VMP1: variants seen among roughly 807,000 people sequenced by gnomAD.
The protein encoded by VMP1 is ectopic P-granules autophagy protein 3 homolog.
VMP1 carries 11 observed loss-of-function variants against 56.0 expected under a neutral mutation model. The observed-to-expected ratio is 0.20, with a 90% CI of 0.12 to 0.32. The LOEUF (loss-of-function observed/expected upper bound fraction) is 0.32, where lower values mean the gene tolerates loss of function less well. Among genes scored for constraint, VMP1 ranks in the 10% least tolerant of loss-of-function variants. VMP1 has a pLI of 1.00. For missense variants in VMP1, 296 were observed against 490.3 expected, an observed-to-expected ratio of 0.60 and a Z score of 3.74; for synonymous variants, 149 against 165.0, an observed-to-expected ratio of 0.90 and a Z score of 0.74.
chr17:59,776,905 T>C (rs116450673), intron 7 of VMP1, among the ~76,000 whole-genome samples: 2,189 of 152,336 alleles, frequency 0.014, 44 homozygotes, highest in African/African-American at 0.049. Context: ...TAATGTACTA[T>C]GATTATTTCT....
intron 7 of VMP1, among the ~76,000 whole-genome samples, chr17:59,791,994 G>A (rs889230802): frequency 5.9e-5 from 9 of 152,054 alleles, no homozygotes; most frequent in Non-Finnish European, 8.8e-5. Flanking sequence ...TCTATTGGCC[G>A]GGTGCCATGG....
intron 1 of VMP1, among the ~76,000 whole-genome samples, chr17:59,726,804 T>G (rs530528925): frequency 2.6e-4 from 39 of 152,356 alleles, no homozygotes; most frequent in African/African-American, 9.1e-4. Flanking sequence ...TTGTTATTGT[T>G]TTGTAATTGC....
At chr17:59,794,067 C>G (rs1304283376) in intron 7 of VMP1, among the ~76,000 whole-genome samples, 1 of 151,296 alleles carries the variant, frequency 6.6e-6, no homozygotes, top group Non-Finnish European at 1.5e-5. Context: ...ACTACAAGCA[C>G]CTGCCACCAC....
intron 9 of VMP1, among the ~76,000 whole-genome samples, chr17:59,814,726 G>A (rs2038167477): frequency 6.6e-6 from 1 of 152,092 alleles, no homozygotes; most frequent in African/African-American, 2.4e-5. Flanking sequence ...CTCTTTCCCT[G>A]TATCTATGTG....
At chr17:59,770,092 A>T (rs2036371051) in intron 6 of VMP1, among the ~76,000 whole-genome samples, 1 of 152,234 alleles carries the variant, frequency 6.6e-6, no homozygotes, top group Non-Finnish European at 1.5e-5. Context: ...AAAATATAAC[A>T]GTAAATATAG....
intron 5 of VMP1, among the ~76,000 whole-genome samples, chr17:59,741,859 TTCTGCCTGTATATTTGC>T (rs1271471793): frequency 6.6e-6 from 1 of 152,194 alleles, no homozygotes; most frequent in Non-Finnish European, 1.5e-5. Context: ...TTTTGACTTG[TTCTGCCTGTATATTTGC>T]TACTTTGTAT....
intron 7 of VMP1, among the ~76,000 whole-genome samples, chr17:59,796,739 T>A (rs1007304374): frequency 2.0e-5 from 3 of 152,206 alleles, no homozygotes; most frequent in African/African-American, 7.2e-5. Flanking sequence ...TCATGCTAAT[T>A]CTGACAAACA....
intron 5 of VMP1, among the ~76,000 whole-genome samples, chr17:59,758,426 C>G (rs958666307): frequency 6.6e-6 from 1 of 152,176 alleles, no homozygotes; most frequent in South Asian, 2.1e-4. Context: ...TGGTGGCTCA[C>G]CTCTAATCCC....
chr17:59,773,916 C>T (rs201779007), intron 7 of VMP1, 31 bp downstream of exon 7: 113 of 1,544,174 alleles, frequency 7.3e-5, no homozygotes, highest in Non-Finnish European at 1.0e-5. Context: ...AAATAGAACA[C>T]TTTACTTCTT....
At chr17:59,764,089 G>T (rs1013697059) in intron 5 of VMP1, among the ~76,000 whole-genome samples, 2 of 152,078 alleles carry the variant, frequency 1.3e-5, no homozygotes, top group African/African-American at 4.8e-5. Flanking sequence ...TTTGCTTTAT[G>T]ATCTCACTGG....
In VMP1 at chr17:59,781,361, G is replaced by A. The variant is rs1013673399; in HGVS notation, c.714+7476G>A. 1.4e-4 allele frequency among the ~76,000 whole-genome samples: 21 copies of A among 152,148 alleles called. 1 individual carries two copies. The highest frequency in any genetic ancestry group is 1.3e-3 in the Admixed American group (20 of 15,276). On this transcript the variant is annotated intron_variant, in intron 7 of 11. Coordinates refer to ENST00000262291, the MANE Select transcript of VMP1 (RefSeq NM_030938.5). ...GCTCACACACCTTCTCCCCAGTGTA[G>A]GGTAATAATCACTGTATTCCAGACT... is the stretch of plus-strand genomic sequence containing the variant.
intron 6 of VMP1, among the ~76,000 whole-genome samples, chr17:59,766,604 A>G (rs2036239293): frequency 1.3e-5 from 2 of 152,310 alleles, no homozygotes; most frequent in South Asian, 4.1e-4. Flanking sequence ...AATATAAACC[A>G]AGCCTTATTA....
At chr17:59,821,539 CTT>C (rs530907168) in intron 10 of VMP1, among the ~76,000 whole-genome samples, 5 of 104,722 alleles carry the variant, frequency 4.8e-5, no homozygotes, top group African/African-American at 1.9e-4. Flanking sequence ...AGCTACTTTT[CTT>C]TTTTTTTTTT....
chr17:59,783,029 A>G (rs1418211101), intron 7 of VMP1, among the ~76,000 whole-genome samples: 1 of 152,036 alleles, frequency 6.6e-6, no homozygotes, highest in Non-Finnish European at 1.5e-5. Context: ...CCCCGTCTCC[A>G]CTAAAAAATA....
At chr17:59,749,232 C>T (rs915288166) in intron 5 of VMP1, among the ~76,000 whole-genome samples, 4 of 151,644 alleles carry the variant, frequency 2.6e-5, no homozygotes, top group Non-Finnish European at 4.4e-5. Flanking sequence ...GCTGGGATTA[C>T]GGGCGTGAGC....
chr17:59,781,549 C>G (rs1256057148), intron 7 of VMP1, among the ~76,000 whole-genome samples: 1 of 151,866 alleles, frequency 6.6e-6, no homozygotes, highest in Non-Finnish European at 1.5e-5. Context: ...TTGGTGAGTG[C>G]CCTTTAGTCT....
intron 7 of VMP1, among the ~76,000 whole-genome samples, chr17:59,801,118 G>C (rs938884782): frequency 8.2e-6 from 1 of 122,242 alleles, no homozygotes; most frequent in African/African-American, 5.2e-5. Context: ...ATATATGTGT[G>C]TGTGTGTGTG....
intron 5 of VMP1, among the ~76,000 whole-genome samples, chr17:59,760,519 T>G (rs1253731676): frequency 6.6e-6 from 1 of 152,224 alleles, no homozygotes. Flanking sequence ...TTTTATCTAC[T>G]CTATTGTTTT....
At position 59,716,623 on chromosome 17, in the gene VMP1, A is replaced by T. The variant is rs571770208; in HGVS notation, c.-27+8875A>T. ...CCGACTTGCTATTTGGGGCCCTTGG[A>T]GCACTCAGTTTCTCATTTGCTAAAA... is the stretch of plus-strand genomic sequence containing the variant. On this transcript the variant is annotated intron_variant, in intron 1 of 11. Transcript: ENST00000262291. 1.1e-4 allele frequency among the ~76,000 whole-genome samples: 16 copies of T among 152,298 alleles called. No homozygotes were observed. In the East Asian group the frequency reaches 3.1e-3, roughly 29 times the overall value.
Sources: allele counts gnomAD v4.1 joint callset (sites outside exome capture counted in the v4.1 genomes callset), GRCh38; gene constraint gnomAD v4.1.1; transcripts MANE v1.5; gene names NCBI Gene and HGNC (gene_info 2026-07-23, HGNC 2026-07-21).